The following ARID4B variants were observed in gnomAD, a reference collection of about 807,000 sequenced individuals.
The protein encoded by ARID4B is AT-rich interaction domain 4B.
A neutral mutation model predicts 147.5 loss-of-function variants in ARID4B; 26 were observed. That is an observed-to-expected ratio of 0.18 (90% CI 0.13 to 0.24). The LOEUF is 0.24. Ranked by LOEUF, ARID4B falls within the 10% of genes least tolerant of loss-of-function variation. The pLI is 1.00. For missense variants in ARID4B, 1,179 were observed against 1,511.5 expected (o/e 0.78, Z 3.65); for synonymous variants, 512 against 507.9 (o/e 1.01, Z -0.11).
chr1:235,173,771 A>AATATATATATATAG (rs1663601322), intron 22 of ARID4B, among the ~76,000 whole-genome samples: 2 of 32,364 alleles, frequency 6.2e-5, no homozygotes, highest in Non-Finnish European at 1.0e-4. Context: ...AAAAAAAAAA[A>AATATATATATATAG]ATATATATAT....
intron 2 of ARID4B, among the ~76,000 whole-genome samples, chr1:235,317,636 T>C (rs10465611): frequency 0.17 from 25,999 of 152,010 alleles, 3,114 homozygotes; most frequent in African/African-American, 0.34. Flanking sequence ...CTTCCCCAAA[T>C]CTGAATGCTG....
intron 6 of ARID4B, among the ~76,000 whole-genome samples, chr1:235,249,938 C>CA (rs527488457): frequency 5.1e-3 from 468 of 92,670 alleles, no homozygotes; most frequent in South Asian, 0.029. Context: ...GACTCCATCT[C>CA]AAAAAAAAAA....
intron 16 of ARID4B, among the ~76,000 whole-genome samples, chr1:235,216,798 T>G (rs550562293): frequency 5.3e-4 from 23 of 43,740 alleles, no homozygotes. Context: ...ATTAAAACAA[T>G]TTTTTTTTGA....
chr1:235,197,891 T>C (rs1665610028), intron 17 of ARID4B, among the ~76,000 whole-genome samples: 2 of 152,204 alleles, frequency 1.3e-5, no homozygotes, highest in Admixed American at 6.5e-5. Context: ...GCAGTACTTT[T>C]ACCTTTCCTA....
chr1:235,213,708 AAATAG>A, intron 17 of ARID4B, 56 bp downstream of exon 17: 1 of 1,504,058 alleles, frequency 6.6e-7, no homozygotes, highest in Non-Finnish European at 8.9e-7. Flanking sequence ...TTAAGTTTTT[AAATAG>A]AAAAGTATTT....
chr1:235,291,094 T>C (rs1672306309), intron 2 of ARID4B, among the ~76,000 whole-genome samples: 1 of 152,142 alleles, frequency 6.6e-6, no homozygotes, highest in South Asian at 2.1e-4. Context: ...AGTAACAATT[T>C]GTTTCTAAAA....
intron 2 of ARID4B, among the ~76,000 whole-genome samples, chr1:235,282,456 T>C (rs1032106447): frequency 1.3e-5 from 2 of 152,200 alleles, no homozygotes; most frequent in Non-Finnish European, 2.9e-5. Flanking sequence ...AAATTAGTTG[T>C]ATGAGTGTGT....
rs557671881 is a variant in ARID4B at position 235,173,035 on chromosome 1, T to TA, written c.3665-272dup. ...ACATCCATATACAGTATTACCACAG[T>TA]AAAAAATCACACTTAAAAATAAAAC... On this transcript the variant is annotated intron_variant, in intron 22 of 23. Transcript: ENST00000264183. 4.9e-3 allele frequency among the ~76,000 whole-genome samples: 744 copies of TA among 152,098 alleles called. 8 individuals are homozygous for TA. Among genetic ancestry groups the TA allele is most frequent in the Non-Finnish European group, 4.2e-3 (283 of 67,986 alleles).
intron 6 of ARID4B, among the ~76,000 whole-genome samples, chr1:235,252,447 C>G (rs1025725869): frequency 6.6e-6 from 1 of 152,120 alleles, no homozygotes; most frequent in Non-Finnish European, 1.5e-5. Context: ...TAGTTATTTA[C>G]AAATTTTAAG....
chr1:235,231,476 CT>C (rs1230600468), intron 9 of ARID4B, among the ~76,000 whole-genome samples: 2 of 152,000 alleles, frequency 1.3e-5, no homozygotes, highest in East Asian at 3.9e-4. Flanking sequence ...ACACTGAAAA[CT>C]TTTTTTGTTT....
At position 235,213,924 on chromosome 1, in the gene ARID4B, C is replaced by G. The variant is rs1468076412; in HGVS notation, c.1686G>C (p.Glu562Asp). 6.2e-7 allele frequency: 1 copy of G among 1,613,742 alleles called. No individual in the cohort carries two copies. Among genetic ancestry groups the G allele is most frequent in the African/African-American group, 1.3e-5 (1 of 74,896 alleles). Residue 562 changes from glutamate (E) to aspartate (D), a missense_variant, in exon 17 of 24, where the codon GAG becomes GAC. Coordinates refer to ENST00000264183, the MANE Select transcript of ARID4B (RefSeq NM_016374.6). ...EEDEDDDDNN[E>D]EEEFECYPPG... is the part of the protein sequence containing the mutation. ...GTGGATAGCACTCAAACTCCTCTTC[C>G]TCATTGTTGTCATCATCATCTTCAT...
At chr1:235,275,225 T>C (rs1671245534) in intron 2 of ARID4B, among the ~76,000 whole-genome samples, 1 of 152,206 alleles carries the variant, frequency 6.6e-6, no homozygotes. Context: ...AACAAAGAGA[T>C]ATGTTCTGGC....
rs1214265154 is a variant in ARID4B, at chr1:235,173,810, A to G, written c.3665-1046T>C. Among the ~76,000 whole-genome samples, 19 of 74,716 alleles carry G rather than the reference A, an allele frequency of 2.5e-4. No homozygotes were observed. In the East Asian group the frequency reaches 2.7e-3, roughly 11 times the overall value. The allele number at this position is 74,716 out of a possible 152,430, so 49.0% of individuals were successfully genotyped here. ...TATATATATATATATATATATATATATATGTATACCTAAAACATATATATA... is the reference window on the plus strand; with the variant it reads ...TATATATATATATATATATATATATGTATGTATACCTAAAACATATATATA... On this transcript the variant is annotated intron_variant, in intron 22 of 23. Coordinates refer to ENST00000264183, the MANE Select transcript of ARID4B (RefSeq NM_016374.6).
intron 7 of ARID4B, among the ~76,000 whole-genome samples, chr1:235,241,136 G>A (rs79870318): frequency 0.041 from 6,227 of 152,252 alleles, 182 homozygotes; most frequent in Non-Finnish European, 0.067. Context: ...TGAGGAAAGT[G>A]TAGTAAAAAG....
chr1:235,194,116 T>C lies in ARID4B; in HGVS notation c.2022A>G (p.Pro674=). Residue 674 remains proline, a synonymous_variant, in exon 19 of 24, where the codon CCA becomes CCG. Coordinates refer to ENST00000264183, the MANE Select transcript of ARID4B (RefSeq NM_016374.6). ...RLSKPPFQTN[P]SPEMVSKLDL... ...CCAGTTTGGATACCATTTCAGGAGATGGATTTGTCTGAAATGGTGGTTTGG... is the reference window on the plus strand; with the variant it reads ...CCAGTTTGGATACCATTTCAGGAGACGGATTTGTCTGAAATGGTGGTTTGG... The C allele has an allele frequency of 5.0e-6, 8 of 1,612,708 alleles. No individual in the cohort carries two copies. Among genetic ancestry groups the C allele is most frequent in the South Asian group, 1.1e-5 (1 of 91,048 alleles).
At chr1:235,218,994 T>A (rs1337083409) in intron 16 of ARID4B, among the ~76,000 whole-genome samples, 1 of 151,334 alleles carries the variant, frequency 6.6e-6, no homozygotes, top group African/African-American at 2.4e-5. Context: ...CCCTCCTGAG[T>A]AGCTGGGATT....
chr1:235,217,879 T>C (rs1432680890), intron 16 of ARID4B, among the ~76,000 whole-genome samples: 1 of 152,108 alleles, frequency 6.6e-6, no homozygotes, highest in African/African-American at 2.4e-5. Flanking sequence ...CAGTCCAAGA[T>C]CCCCAGTGGA....
At chr1:235,254,233 A>C (rs1043239482) in intron 5 of ARID4B, among the ~76,000 whole-genome samples, 1 of 152,090 alleles carries the variant, frequency 6.6e-6, no homozygotes, top group Non-Finnish European at 1.5e-5. Context: ...AAGAAGTATA[A>C]ACAAAACTCA....
At chr1:235,201,184 T>C (rs186147823) in intron 17 of ARID4B, among the ~76,000 whole-genome samples, 1 of 151,820 alleles carries the variant, frequency 6.6e-6, no homozygotes, top group Non-Finnish European at 1.5e-5. Flanking sequence ...TAAAACAAAA[T>C]AACTGGAAAG....
Sources: allele counts gnomAD v4.1 joint callset (sites outside exome capture counted in the v4.1 genomes callset), GRCh38; gene constraint gnomAD v4.1.1; transcripts MANE v1.5; gene names NCBI Gene and HGNC (gene_info 2026-07-23, HGNC 2026-07-21).